Variants in CNOT4 observed in about 807,000 individuals in gnomAD.
CNOT4 encodes the protein CCR4-NOT transcription complex subunit 4, also known as CCR4-associated factor 4.
CNOT4 carries 8 observed loss-of-function variants against 73.8 expected under a neutral mutation model. That is an observed-to-expected ratio of 0.11 (90% CI 0.06 to 0.20). The LOEUF (loss-of-function observed/expected upper bound fraction) is 0.20, where lower values mean the gene tolerates loss of function less well. Ranked by LOEUF, CNOT4 falls within the 10% of genes least tolerant of loss-of-function variation. The pLI is 1.00. For missense variants in CNOT4, 564 were observed against 883.4 expected (o/e 0.64, Z 4.58); for synonymous variants, 293 against 321.1 (o/e 0.91, Z 0.94).
intron 2 of CNOT4, among the ~76,000 whole-genome samples, chr7:135,433,307 A>G (rs1395175567): frequency 1.3e-5 from 2 of 148,560 alleles, no homozygotes; most frequent in African/African-American, 2.5e-5. Flanking sequence ...TTCAATGACA[A>G]TGGTTACTGT....
chr7:135,414,514 T>C (rs1797746607), intron 4 of CNOT4, 82 bp from the exon 5 acceptor site: 1 of 705,054 alleles, frequency 1.4e-6, no homozygotes, highest in Non-Finnish European at 2.6e-6. Flanking sequence ...CCTAGGGAAT[T>C]CTAAAGACCC....
At chr7:135,415,061 C>T (rs1324272922) in intron 4 of CNOT4, 115 bp downstream of exon 4, 4 of 705,882 alleles carry the variant, frequency 5.7e-6, no homozygotes, top group African/African-American at 5.4e-5. Context: ...CACTACATTG[C>T]TTAAGTCCTT....
chr7:135,472,186 T>C (rs544815611), intron 1 of CNOT4, among the ~76,000 whole-genome samples: 50 of 138,446 alleles, frequency 3.6e-4, no homozygotes, highest in Non-Finnish European at 6.5e-4. Context: ...AATACATATA[T>C]AAATATACAG....
chr7:135,453,826 TTATA>T (rs55732572), intron 1 of CNOT4, among the ~76,000 whole-genome samples: 78 of 89,902 alleles, frequency 8.7e-4, no homozygotes, highest in Middle Eastern at 4.7e-3. Flanking sequence ...TATATATATT[TTATA>T]TATATATATA....
At chr7:135,496,253 C>T (rs1030698960) in intron 1 of CNOT4, among the ~76,000 whole-genome samples, 2 of 152,114 alleles carry the variant, frequency 1.3e-5, no homozygotes, top group Non-Finnish European at 2.9e-5. Context: ...CCACCATGCC[C>T]AACTAATTTC....
rs548292276 is a variant in CNOT4, at chr7:135,472,246, G to C, written c.-92-33823C>G. Among the ~76,000 whole-genome samples, 3 of 150,440 alleles carry C rather than the reference G, an allele frequency of 2.0e-5. No individual in the cohort carries two copies. The Admixed American group carries it at 2.0e-4, about 10-fold the overall frequency. Reference sequence around the variant, plus strand: ...TAATCCCAGCACTTTGGGAGGCCGAGGTGGGCAGATCATGAGGTCAGGAGA... The same window carrying C: ...TAATCCCAGCACTTTGGGAGGCCGACGTGGGCAGATCATGAGGTCAGGAGA... On this transcript the variant is annotated intron_variant, in intron 1 of 11. Coordinates refer to ENST00000541284, the MANE Select transcript of CNOT4 (RefSeq NM_001190850.2).
At chr7:135,506,210 T>C (rs547389774) in intron 1 of CNOT4, among the ~76,000 whole-genome samples, 19 of 152,356 alleles carry the variant, frequency 1.2e-4, no homozygotes, top group African/African-American at 4.1e-4. Context: ...TTTTATCCAA[T>C]ACATGCTATT....
At chr7:135,435,537 T>A (rs773721800) in intron 2 of CNOT4, among the ~76,000 whole-genome samples, 1 of 152,234 alleles carries the variant, frequency 6.6e-6, no homozygotes, top group Non-Finnish European at 1.5e-5. Context: ...ATAATCTTTC[T>A]ACATGAATAT....
At chr7:135,386,398 C>A (rs1364129839) in intron 10 of CNOT4, 1 of 151,914 alleles carries the variant, frequency 6.6e-6, no homozygotes, top group Non-Finnish European at 1.5e-5. Context: ...ATGCATCATG[C>A]AGGAATTTAA....
At chr7:135,476,666 A>C (rs1457997338) in intron 1 of CNOT4, among the ~76,000 whole-genome samples, 1 of 152,176 alleles carries the variant, frequency 6.6e-6, no homozygotes, top group Non-Finnish European at 1.5e-5. Flanking sequence ...ACAGAGCAAG[A>C]TTCTGTCTCT....
intron 10 of CNOT4, among the ~76,000 whole-genome samples, chr7:135,373,589 A>AT (rs1344472690): frequency 1.3e-5 from 2 of 152,126 alleles, no homozygotes; most frequent in East Asian, 3.9e-4. Context: ...TTTTATTTTT[A>AT]TTTTTTGAAA....
Sources: allele counts gnomAD v4.1 joint callset (sites outside exome capture counted in the v4.1 genomes callset), GRCh38; gene constraint gnomAD v4.1.1; transcripts MANE v1.5; gene names NCBI Gene and HGNC (gene_info 2026-07-23, HGNC 2026-07-21).